Variants in UTS2 observed in about 807,000 individuals in gnomAD.
The protein encoded by UTS2 is urotensin 2, also known as urotensin-2.
In UTS2, 10 loss-of-function variants were observed where a neutral mutation model predicts 12.6. That is an observed-to-expected ratio of 0.80 (90% confidence interval 0.49 to 1.35). UTS2 has a LOEUF of 1.35. Among genes scored for constraint, UTS2 ranks in the 40% most tolerant of loss-of-function variants. The probability of loss-of-function intolerance (pLI) is 0.00; values close to 1 mark genes in which losing one functional copy is unlikely to be tolerated. For synonymous variants in UTS2, 52 were observed against 50.0 expected (o/e 1.04, Z -0.17); for missense variants, 142 against 143.2 (o/e 0.99, Z 0.04).
At chr1:7,863,460 C>T in the UTS2 span, among the ~76,000 whole-genome samples, 1 of 152,152 alleles carries the variant, frequency 6.6e-6, no homozygotes, top group Admixed American at 6.5e-5. Flanking sequence ...CCCTGTATTT[C>T]CTCTTACCCT....
the UTS2 span, among the ~76,000 whole-genome samples, chr1:7,892,820 G>T: frequency 6.6e-6 from 1 of 151,940 alleles, no homozygotes; most frequent in Non-Finnish European, 1.5e-5. Flanking sequence ...GGACCCTTGT[G>T]ATTACACCAG....
At chr1:7,873,933 T>G in the UTS2 span, among the ~76,000 whole-genome samples, 4 of 152,170 alleles carry the variant, frequency 2.6e-5, no homozygotes, top group Non-Finnish European at 4.4e-5. Context: ...TTTTTTTTAA[T>G]TGTGAATGGT....
the UTS2 span, among the ~76,000 whole-genome samples, chr1:7,907,177 A>ATT: frequency 6.6e-6 from 1 of 152,128 alleles, no homozygotes; most frequent in East Asian, 1.9e-4. Context: ...AATTGCTTGA[A>ATT]CCTGGGAGGT....
At position 7,850,879 on chromosome 1, in the gene UTS2, T is replaced by C. The variant is rs749800934; in HGVS notation, c.147A>G (p.Arg49=). ...CTGGCAGTATCTGTAGAAGGGAAGC[T>C]CTTTCTAGCTCCTCCGGAGTTAAGC... ...DARLTPEELE[R]ASLLQILPEM... Residue 49 remains arginine (R), a synonymous_variant, in exon 2 of 4, where the codon AGA becomes AGG. Coordinates refer to ENST00000361696, the MANE Select transcript of UTS2 (RefSeq NM_006786.4). 16 of 1,614,002 alleles carry C rather than the reference T, an allele frequency of 9.9e-6. No individual in the cohort carries two copies. The highest frequency in any genetic ancestry group is 1.3e-5 in the Non-Finnish European group (15 of 1,179,990).
the UTS2 span, among the ~76,000 whole-genome samples, chr1:7,861,166 A>T: frequency 2.6e-5 from 4 of 152,100 alleles, no homozygotes; most frequent in Non-Finnish European, 5.9e-5. Context: ...AACACCAAGG[A>T]TGATCCCAGA....
At chr1:7,852,363 A>G (rs1178791387) in intron 1 of UTS2, among the ~76,000 whole-genome samples, 2 of 152,202 alleles carry the variant, frequency 1.3e-5, no homozygotes, top group African/African-American at 4.8e-5. Flanking sequence ...ATTAACATAA[A>G]TCAAAAGGAA....
the UTS2 span, among the ~76,000 whole-genome samples, chr1:7,900,850 A>G: frequency 6.6e-6 from 1 of 152,158 alleles, no homozygotes; most frequent in Non-Finnish European, 1.5e-5. Context: ...TTTAGTATCA[A>G]GGTTACACTG....
chr1:7,871,628 C>A, the UTS2 span, among the ~76,000 whole-genome samples: 1 of 151,998 alleles, frequency 6.6e-6, no homozygotes, highest in South Asian at 2.1e-4. Context: ...GCAAGTCTAT[C>A]AGCACCGTTT....
the UTS2 span, among the ~76,000 whole-genome samples, chr1:7,876,816 A>G: frequency 6.8e-6 from 1 of 147,776 alleles, no homozygotes; most frequent in Non-Finnish European, 1.5e-5. Context: ...CAACTGTTGT[A>G]CCAAATGTGT....
At chr1:7,889,442 C>CAAA in the UTS2 span, among the ~76,000 whole-genome samples, 110 of 85,174 alleles carry the variant, frequency 1.3e-3, no homozygotes, top group African/African-American at 1.6e-3. Context: ...ATCTTATCAC[C>CAAA]AAAAAAAAAA....
the UTS2 span, among the ~76,000 whole-genome samples, chr1:7,860,760 G>A: frequency 6.6e-5 from 10 of 151,860 alleles, no homozygotes; most frequent in East Asian, 4.0e-4. Context: ...GGCTCAGTCC[G>A]GGCTGGGCCT....
the UTS2 span, among the ~76,000 whole-genome samples, chr1:7,876,608 A>G: frequency 6.6e-6 from 1 of 152,072 alleles, no homozygotes; most frequent in South Asian, 2.1e-4. Flanking sequence ...GTATCCTTAT[A>G]CACCATCCAG....
chr1:7,864,659 T>C, the UTS2 span, among the ~76,000 whole-genome samples: 32 of 152,324 alleles, frequency 2.1e-4, no homozygotes, highest in East Asian at 3.3e-3. Flanking sequence ...CTAAAAATCA[T>C]GTACTGTCCC....
chr1:7,859,177 C>T, the UTS2 span, among the ~76,000 whole-genome samples: 2 of 152,246 alleles, frequency 1.3e-5, no homozygotes, highest in Admixed American at 6.5e-5. Flanking sequence ...CAGACATCAT[C>T]GGGGTCCATT....
At chr1:7,862,322 G>A in the UTS2 span, among the ~76,000 whole-genome samples, 1 of 152,044 alleles carries the variant, frequency 6.6e-6, no homozygotes, top group Non-Finnish European at 1.5e-5. Context: ...TCCCCTGCAT[G>A]CTCCTACCTC....
rs1300944288 is a variant in UTS2 at position 7,849,208 on chromosome 1, G to A, written c.258+432C>T. Among the ~76,000 whole-genome samples the A allele has an allele frequency of 2.0e-5, 3 of 151,938 alleles. No individual in the cohort carries two copies. In the East Asian group the frequency reaches 5.8e-4, roughly 29 times the overall value. On this transcript the variant is annotated intron_variant, in intron 3 of 3. Transcript: ENST00000361696. ...AAATTAATGCTTTGAAATAATGCTGGCCAATTATTATTATTATTATTTTGA... is the reference window on the plus strand; with the variant it reads ...AAATTAATGCTTTGAAATAATGCTGACCAATTATTATTATTATTATTTTGA...
the UTS2 span, among the ~76,000 whole-genome samples, chr1:7,896,578 A>T: frequency 5.3e-5 from 8 of 152,142 alleles, no homozygotes; most frequent in African/African-American, 1.4e-4. Context: ...TTATTTTATT[A>T]TGTAAAAATT....
the UTS2 span, among the ~76,000 whole-genome samples, chr1:7,887,533 TGG>T: frequency 7.0e-6 from 1 of 142,190 alleles, no homozygotes; most frequent in South Asian, 2.2e-4. Flanking sequence ...CTGAGGCAGA[TGG>T]TTTACTTGAG....
the UTS2 span, among the ~76,000 whole-genome samples, chr1:7,893,536 G>A: frequency 6.6e-6 from 1 of 152,024 alleles, no homozygotes; most frequent in Non-Finnish European, 1.5e-5. Context: ...CAAACCTGGG[G>A]ATTTAAATGC....
Sources: allele counts gnomAD v4.1 joint callset (sites outside exome capture counted in the v4.1 genomes callset), GRCh38; gene constraint gnomAD v4.1.1; transcripts MANE v1.5; gene names NCBI Gene and HGNC (gene_info 2026-07-23, HGNC 2026-07-21).